Variants in EXOC6B observed in about 807,000 individuals in gnomAD.
EXOC6B encodes SEC15 homolog B.
EXOC6B carries 54 observed loss-of-function variants against 113.5 expected under a neutral mutation model. The observed-to-expected ratio is 0.48, with a 90% CI of 0.38 to 0.60. EXOC6B has a LOEUF of 0.60. EXOC6B is among the 20% of genes least tolerant of loss of function. The pLI is 0.00. For synonymous variants in EXOC6B, 357 were observed against 339.0 expected, an observed-to-expected ratio of 1.05 and a Z score of -0.58; for missense variants, 797 against 977.5, an observed-to-expected ratio of 0.82 and a Z score of 2.46.
chr2:72,233,016 G>A (rs1195546010), intron 20 of EXOC6B, among the ~76,000 whole-genome samples: 1 of 151,534 alleles, frequency 6.6e-6, no homozygotes, highest in African/African-American at 2.4e-5. Flanking sequence ...AGGTTTCAGT[G>A]AGCCGAGACC....
intron 6 of EXOC6B, among the ~76,000 whole-genome samples, chr2:72,625,608 C>G (rs961098779): frequency 1.3e-5 from 2 of 152,064 alleles, no homozygotes; most frequent in African/African-American, 4.8e-5. Flanking sequence ...GAACTTTTTC[C>G]TCCCAAATTT....
chr2:72,432,047 T>C (rs1204839499), intron 18 of EXOC6B, among the ~76,000 whole-genome samples: 1 of 152,128 alleles, frequency 6.6e-6, no homozygotes, highest in Non-Finnish European at 1.5e-5. Context: ...CTTTTTTCTT[T>C]TTTTTTCTGA....
At chr2:72,317,096 G>C (rs1163247903) in intron 20 of EXOC6B, among the ~76,000 whole-genome samples, 1 of 151,832 alleles carries the variant, frequency 6.6e-6, no homozygotes, top group Non-Finnish European at 1.5e-5. Context: ...TTGTTTTATG[G>C]GCAAGAGAGA....
chr2:72,634,242 T>C (rs1672677923), intron 6 of EXOC6B, among the ~76,000 whole-genome samples: 1 of 152,178 alleles, frequency 6.6e-6, no homozygotes, highest in African/African-American at 2.4e-5. Flanking sequence ...ATTTGTACAA[T>C]CCTAGTGCTA....
intron 19 of EXOC6B, among the ~76,000 whole-genome samples, chr2:72,371,002 A>AT (rs1690977280): frequency 1.3e-5 from 2 of 151,126 alleles, no homozygotes; most frequent in Non-Finnish European, 3.0e-5. Context: ...GTATAATAAA[A>AT]ATATATATAT....
intron 8 of EXOC6B, among the ~76,000 whole-genome samples, chr2:72,558,304 G>C (rs1211847101): frequency 6.6e-6 from 1 of 152,044 alleles, no homozygotes; most frequent in Non-Finnish European, 1.5e-5. Context: ...AGAGGAGAAA[G>C]AGAGAAGAAA....
At chr2:72,526,757 G>A (rs1361796512) in intron 8 of EXOC6B, among the ~76,000 whole-genome samples, 2 of 151,856 alleles carry the variant, frequency 1.3e-5, no homozygotes, top group South Asian at 4.1e-4. Flanking sequence ...TCTATATCTG[G>A]TAAATAATGT....
intron 19 of EXOC6B, among the ~76,000 whole-genome samples, chr2:72,342,227 C>T (rs1350633432): frequency 2.6e-5 from 4 of 151,626 alleles, no homozygotes; most frequent in South Asian, 2.1e-4. Flanking sequence ...ACAAAAAGAA[C>T]CAACTAAGCA....
chr2:72,408,731 A>T (rs1693964502), intron 18 of EXOC6B, among the ~76,000 whole-genome samples: 1 of 152,244 alleles, frequency 6.6e-6, no homozygotes, highest in Non-Finnish European at 1.5e-5. Flanking sequence ...TGGATTAAAG[A>T]CTTAAATGTT....
chr2:72,412,463 C>T (rs1034479661), intron 18 of EXOC6B, among the ~76,000 whole-genome samples: 2 of 152,080 alleles, frequency 1.3e-5, no homozygotes, highest in Admixed American at 1.3e-4. Flanking sequence ...TAGAAAAGAC[C>T]TCAAGTAGTG....
At chr2:72,392,224 C>T (rs531936175) in intron 18 of EXOC6B, among the ~76,000 whole-genome samples, 1 of 152,302 alleles carries the variant, frequency 6.6e-6, no homozygotes, top group South Asian at 2.1e-4. Context: ...AACCCTGAAG[C>T]AGTGGCTTAC....
intron 16 of EXOC6B, 21 bp downstream of exon 16, chr2:72,492,297 C>T (rs751392062): frequency 1.3e-6 from 2 of 1,510,846 alleles, no homozygotes; most frequent in South Asian, 1.1e-5. Context: ...GCTCGGCTGC[C>T]TTCATTAGGA....
intron 6 of EXOC6B, among the ~76,000 whole-genome samples, chr2:72,640,315 GA>G (rs1673135898): frequency 6.6e-6 from 1 of 151,894 alleles, no homozygotes; most frequent in Non-Finnish European, 1.5e-5. Flanking sequence ...CAAGAATAGA[GA>G]AAAAAGAATG....
chr2:72,578,930 A>C lies in EXOC6B; in HGVS notation c.670-3262T>G, dbSNP rs148701052. On this transcript the variant is annotated intron_variant, in intron 6 of 21. Transcript: ENST00000272427. ...TAAAGATGCTATATAAAGCAGTTTC[A>C]ATGTTAGAGAAACAATGAAAGAATG... is the stretch of plus-strand genomic sequence containing the variant. 8.5e-5 allele frequency among the ~76,000 whole-genome samples: 13 copies of C among 152,284 alleles called. 1 individual carries two copies. In the East Asian group the frequency reaches 2.5e-3, roughly 29 times the overall value.
intron 20 of EXOC6B, among the ~76,000 whole-genome samples, chr2:72,266,012 G>A (rs1015748488): frequency 1.5e-4 from 23 of 152,196 alleles, no homozygotes; most frequent in African/African-American, 4.8e-4. Flanking sequence ...CAGTGATGAT[G>A]AGCATTTTTT....
At chr2:72,405,294 G>C (rs1257542388) in intron 18 of EXOC6B, among the ~76,000 whole-genome samples, 2 of 152,320 alleles carry the variant, frequency 1.3e-5, no homozygotes, top group East Asian at 3.9e-4. Flanking sequence ...TATTATCCAG[G>C]AGAACTTCCC....
chr2:72,427,462 C>G (rs1695266750), intron 18 of EXOC6B, among the ~76,000 whole-genome samples: 2 of 152,192 alleles, frequency 1.3e-5, no homozygotes, highest in South Asian at 4.1e-4. Context: ...GGTGCCCACT[C>G]CCATCTCGGA....
intron 6 of EXOC6B, among the ~76,000 whole-genome samples, chr2:72,606,141 G>A (rs1670737991): frequency 6.6e-6 from 1 of 151,956 alleles, no homozygotes; most frequent in African/African-American, 2.4e-5. Context: ...TTTCTACATA[G>A]GCCAATAGGA....
At chr2:72,438,486 G>T (rs1291682917) in intron 18 of EXOC6B, among the ~76,000 whole-genome samples, 1 of 152,118 alleles carries the variant, frequency 6.6e-6, no homozygotes, top group Non-Finnish European at 1.5e-5. Context: ...GCATGTGCCT[G>T]TAGACCTAGT....
Sources: gnomAD v4.1 joint callset for allele counts (sites outside exome capture counted in the v4.1 genomes callset) on GRCh38, gnomAD v4.1.1 for gene constraint, MANE v1.5 for transcripts, NCBI Gene and HGNC (gene_info 2026-07-23, HGNC 2026-07-21) for gene names.